The following ZFHX3 variants were observed in gnomAD, a reference collection of about 807,000 sequenced individuals.
ZFHX3 encodes zinc finger homeobox 3.
In ZFHX3, 42 loss-of-function variants were observed where a neutral mutation model predicts 279.1. The observed-to-expected ratio is 0.15, with a 90% CI of 0.12 to 0.19. The LOEUF (loss-of-function observed/expected upper bound fraction) is 0.19. Among genes scored for constraint, ZFHX3 ranks in the 10% least tolerant of loss-of-function variants. ZFHX3 has a pLI of 1.00. For synonymous variants in ZFHX3, 2,293 were observed against 1,957.8 expected (o/e 1.17, Z -4.52); for missense variants, 4,981 against 4,754.0 (o/e 1.05, Z -1.40).
At chr16:73,210,521 T>A (rs986038454) in intron 5 of ZFHX3, among the ~76,000 whole-genome samples, 7 of 152,304 alleles carry the variant, frequency 4.6e-5, no homozygotes, top group African/African-American at 1.7e-4. Flanking sequence ...AATCAATACG[T>A]TGAAAGTGCT....
At position 73,784,120 on chromosome 16, in the gene ZFHX3, C is replaced by CA. The variant is rs200391505; in HGVS notation, c.-1607-103881dup. Among the ~76,000 whole-genome samples, 54 of 145,616 alleles carry CA rather than the reference C, an allele frequency of 3.7e-4. No homozygotes were observed. In the East Asian group the frequency reaches 3.8e-3, roughly 10 times the overall value. ...CTGGCTGTTTTGGAGAGATGGCAGG[C>CA]AAAAAAAAGAAAAAAAAAGGAGACA... is the stretch of plus-strand genomic sequence containing the variant. On this transcript the variant is annotated intron_variant, in intron 1 of 17. Transcript: ENST00000641206.
chr16:73,443,574 C>A (rs2018132811), intron 3 of ZFHX3, among the ~76,000 whole-genome samples: 1 of 152,158 alleles, frequency 6.6e-6, no homozygotes, highest in Admixed American at 6.5e-5. Flanking sequence ...CTAATGGAAG[C>A]CAAAGGTCAG....
chr16:73,693,878 C>G (rs1175822723), intron 1 of ZFHX3, among the ~76,000 whole-genome samples: 1 of 152,054 alleles, frequency 6.6e-6, no homozygotes, highest in Non-Finnish European at 1.5e-5. Context: ...AAATGGCTCT[C>G]GGGGTAAGAA....
At chr16:73,255,549 G>C (rs1481638672) in intron 5 of ZFHX3, among the ~76,000 whole-genome samples, 1 of 152,112 alleles carries the variant, frequency 6.6e-6, no homozygotes, top group East Asian at 1.9e-4. Flanking sequence ...TATTCTTAAG[G>C]CTCCAATTCC....
intron 2 of ZFHX3, among the ~76,000 whole-genome samples, chr16:73,642,716 C>T (rs2052584793): frequency 6.6e-6 from 1 of 152,062 alleles, no homozygotes; most frequent in African/African-American, 2.4e-5. Flanking sequence ...ACATAGGTAC[C>T]CTAGAACAGT....
chr16:73,619,179 TA>T (rs2052333119), intron 2 of ZFHX3, among the ~76,000 whole-genome samples: 1 of 152,024 alleles, frequency 6.6e-6, no homozygotes, highest in Non-Finnish European at 1.5e-5. Flanking sequence ...AAATAAGCAC[TA>T]TGGAGAAAAT....
Position 73,396,224 on chromosome 16 carries a change from G to A in ZFHX3, c.-1291+59779C>T, listed in dbSNP as rs74028614. ...TTGTATGATGGGAAGAGGCTTATGCGGAGGAGAGGACAGAGAATTAGGTCA... is the reference window on the plus strand; with the variant it reads ...TTGTATGATGGGAAGAGGCTTATGCAGAGGAGAGGACAGAGAATTAGGTCA... On this transcript the variant is annotated intron_variant, in intron 3 of 17. Coordinates refer to the ZFHX3 transcript ENST00000641206. Among the ~76,000 whole-genome samples the A allele has an allele frequency of 7.0e-3, 1,065 of 152,292 alleles. 12 individuals carry two copies. The highest frequency in any genetic ancestry group is 0.025 in the African/African-American group (1,020 of 41,558).
intron 1 of ZFHX3, among the ~76,000 whole-genome samples, chr16:73,858,967 T>C (rs1400293889): frequency 6.6e-6 from 1 of 152,226 alleles, no homozygotes; most frequent in Non-Finnish European, 1.5e-5. Flanking sequence ...CTTACATGAT[T>C]TGTGCAAGCC....
At chr16:73,181,656 A>C (rs1013243596) in intron 5 of ZFHX3, among the ~76,000 whole-genome samples, 5 of 152,232 alleles carry the variant, frequency 3.3e-5, no homozygotes, top group Non-Finnish European at 5.9e-5. Flanking sequence ...CATCACTTAA[A>C]GAGAACTGAG....
At chr16:73,227,003 A>G (rs1195854745) in intron 5 of ZFHX3, among the ~76,000 whole-genome samples, 2 of 152,212 alleles carry the variant, frequency 1.3e-5, no homozygotes, top group African/African-American at 4.8e-5. Context: ...TATTATTTCT[A>G]TTAACATTTT....
intron 4 of ZFHX3, among the ~76,000 whole-genome samples, chr16:73,266,376 T>G (rs564014938): frequency 6.6e-6 from 1 of 152,348 alleles, no homozygotes; most frequent in South Asian, 2.1e-4. Flanking sequence ...TATTTAGTAT[T>G]ACTTTCGAAA....
intron 5 of ZFHX3, among the ~76,000 whole-genome samples, chr16:73,155,213 A>T (rs578147140): frequency 1.3e-5 from 2 of 152,022 alleles, no homozygotes; most frequent in East Asian, 3.9e-4. Context: ...AGGAAAAAAT[A>T]AAAAGATTTT....
chr16:73,739,188 C>T (rs1176421219), intron 1 of ZFHX3, among the ~76,000 whole-genome samples: 1 of 152,250 alleles, frequency 6.6e-6, no homozygotes, highest in East Asian at 1.9e-4. Context: ...AAAGCAGTTT[C>T]TGCTTTCCTG....
Position 73,851,781 on chromosome 16 carries a change from T to C in ZFHX3, c.-1608+39870A>G, listed in dbSNP as rs77736822. ...AAGTTTGACATCGTAGGGCCTTTTT[T>C]AAAAATATTGAGGCATTAGGATCAA... On this transcript the variant is annotated intron_variant, in intron 1 of 17. Coordinates refer to the ZFHX3 transcript ENST00000641206. Among the ~76,000 whole-genome samples the C allele has an allele frequency of 7.4e-4, 113 of 152,306 alleles. 2 individuals are homozygous for C. The East Asian group carries it at 0.02, about 28-fold the overall frequency.
chr16:72,793,885 A>G lies in ZFHX3; in HGVS notation c.8797T>C (p.Ser2933Pro). Residue 2933 changes from serine to proline, a missense_variant, in exon 9 of 10, where the codon TCT becomes CCT. By Grantham distance (74) the Ser-to-Pro change is moderately conservative. Coordinates refer to ENST00000268489, the MANE Select transcript of ZFHX3 (RefSeq NM_006885.4). This position sits in a 1 kb window ranked among gnomAD's most constrained non-coding sequence, Gnocchi z 4.3. ...CCGCTGTCACCAGATTTGCCTGCAG[A>G]TCCACTCGCACCAGGACTCGGGGAG... Reference protein sequence around the residue: ...PCSPSPGASGSAGKSGDSGDR... With the variant: ...PCSPSPGASGPAGKSGDSGDR... The G allele has an allele frequency of 1.2e-6, 2 of 1,614,168 alleles. No homozygotes were observed. Among genetic ancestry groups the G allele is most frequent in the Non-Finnish European group, 1.7e-6 (2 of 1,180,026 alleles).
At chr16:73,804,602 T>A (rs934475707) in intron 1 of ZFHX3, among the ~76,000 whole-genome samples, 1 of 152,128 alleles carries the variant, frequency 6.6e-6, no homozygotes, top group Non-Finnish European at 1.5e-5. Flanking sequence ...TCATTTGATA[T>A]AATTTACAAC....
At position 73,176,864 on chromosome 16, in the gene ZFHX3, A is replaced by G. The variant is rs145165891; in HGVS notation, c.-1103-33033T>C. 4.1e-3 allele frequency among the ~76,000 whole-genome samples: 627 copies of G among 152,158 alleles called. 7 individuals are homozygous for G. The highest frequency in any genetic ancestry group is 0.015 in the African/African-American group (613 of 41,496). ...AGAACAAGCACAAGGCTTGCATCAG[A>G]GCAATTTTTTTCATCCACAGAATAA... On this transcript the variant is annotated intron_variant, in intron 5 of 17. Transcript: ENST00000641206.
At chr16:73,242,405 T>G (rs898342778) in intron 5 of ZFHX3, among the ~76,000 whole-genome samples, 28 of 152,184 alleles carry the variant, frequency 1.8e-4, no homozygotes. Flanking sequence ...GGTTAGTGTC[T>G]TCTTTGGCAG....
At chr16:72,907,177 G>A (rs1443081449) in intron 3 of ZFHX3, among the ~76,000 whole-genome samples, 1 of 152,146 alleles carries the variant, frequency 6.6e-6, no homozygotes, top group African/African-American at 2.4e-5. Context: ...AAAGGCTTAA[G>A]TCTTAAAACA....
Sources: allele counts gnomAD v4.1 joint callset (sites outside exome capture counted in the v4.1 genomes callset), GRCh38; gene constraint gnomAD v4.1.1; non-coding constraint Gnocchi (gnomAD v3.1); transcripts MANE v1.5; gene names NCBI Gene and HGNC (gene_info 2026-07-23, HGNC 2026-07-21).